The following CTNNA3 variants were observed in gnomAD, a reference collection of about 807,000 sequenced individuals.
The protein encoded by CTNNA3 is catenin alpha-3.
Under a neutral mutation model 95.7 loss-of-function variants are expected in CTNNA3, and 76 were observed. The ratio of observed to expected loss-of-function variants is 0.79; its 90% CI spans 0.66 to 0.96. The LOEUF (loss-of-function observed/expected upper bound fraction) is 0.96, where lower values mean the gene tolerates loss of function less well. Ranked by LOEUF, CTNNA3 falls within the 40% of genes least tolerant of loss-of-function variation. The pLI is 0.00. For synonymous variants in CTNNA3, 431 were observed against 374.4 expected (o/e 1.15, Z -1.74); for missense variants, 1,191 against 1,089.8 (o/e 1.09, Z -1.31).
At chr10:67,166,360 C>G (rs1861769083) in intron 7 of CTNNA3, among the ~76,000 whole-genome samples, 1 of 152,078 alleles carries the variant, frequency 6.6e-6, no homozygotes, top group Non-Finnish European at 1.5e-5. Flanking sequence ...ACCTAGCTTT[C>G]TTGGTTTTTT....
At chr10:67,556,144 G>A (rs1462802231) in intron 3 of CTNNA3, among the ~76,000 whole-genome samples, 1 of 152,196 alleles carries the variant, frequency 6.6e-6, no homozygotes, top group African/African-American at 2.4e-5. Flanking sequence ...TGTGCTGCTG[G>A]ATTCGGTTTG....
intron 1 of CTNNA3, among the ~76,000 whole-genome samples, chr10:67,742,326 T>G (rs1461917642): frequency 6.6e-6 from 1 of 151,052 alleles, no homozygotes; most frequent in East Asian, 1.9e-4. Context: ...GCAATCAAAC[T>G]AGAACTCAGG....
intron 12 of CTNNA3, among the ~76,000 whole-genome samples, chr10:66,373,231 T>C (rs528605486): frequency 6.0e-4 from 92 of 152,292 alleles, no homozygotes; most frequent in African/African-American, 2.0e-3. Context: ...TCTGACAAGT[T>C]TGTATGTTCA....
chr10:66,545,652 A>G (rs1381548003), intron 10 of CTNNA3, among the ~76,000 whole-genome samples: 1 of 152,082 alleles, frequency 6.6e-6, no homozygotes, highest in Non-Finnish European at 1.5e-5. Flanking sequence ...TCTCCCAGCA[A>G]CATATGAGTA....
chr10:67,690,575 G>GC (rs1840825055), intron 1 of CTNNA3, among the ~76,000 whole-genome samples: 1 of 152,098 alleles, frequency 6.6e-6, no homozygotes, highest in Non-Finnish European at 1.5e-5. Context: ...GCTGATTGGT[G>GC]CATTTTTGCA....
At chr10:67,198,704 C>T (rs1218540849) in intron 6 of CTNNA3, among the ~76,000 whole-genome samples, 2 of 152,128 alleles carry the variant, frequency 1.3e-5, no homozygotes, top group Admixed American at 6.5e-5. Flanking sequence ...CAGTCCCTGG[C>T]TTAATATCCT....
intron 5 of CTNNA3, among the ~76,000 whole-genome samples, chr10:67,514,334 T>A (rs1408914137): frequency 6.6e-6 from 1 of 152,078 alleles, no homozygotes; most frequent in Non-Finnish European, 1.5e-5. Context: ...ACAGTTAGGT[T>A]AGATGAATTC....
At chr10:66,573,375 G>A (rs926184433) in intron 10 of CTNNA3, among the ~76,000 whole-genome samples, 7 of 152,146 alleles carry the variant, frequency 4.6e-5, no homozygotes, top group Non-Finnish European at 7.3e-5. Flanking sequence ...AGGGTTGCTC[G>A]CAGCCCATAG....
intron 7 of CTNNA3, among the ~76,000 whole-genome samples, chr10:67,080,707 A>G (rs1223414647): frequency 6.6e-6 from 1 of 152,084 alleles, no homozygotes; most frequent in Non-Finnish European, 1.5e-5. Flanking sequence ...CAGGAGATCG[A>G]GACCATCCTG....
intron 9 of CTNNA3, among the ~76,000 whole-genome samples, chr10:66,701,586 A>C (rs529480797): frequency 6.6e-6 from 1 of 152,312 alleles, no homozygotes; most frequent in African/African-American, 2.4e-5. Context: ...TTTTATAGAC[A>C]TATTTCATAT....
chr10:66,814,404 A>C (rs1842000635), intron 7 of CTNNA3, among the ~76,000 whole-genome samples: 1 of 152,196 alleles, frequency 6.6e-6, no homozygotes, highest in South Asian at 2.1e-4. Context: ...CAAGCCTATG[A>C]TGAAGAATTT....
At chr10:66,235,461 AAATT>A (rs2089803312) in intron 13 of CTNNA3, among the ~76,000 whole-genome samples, 2 of 151,560 alleles carry the variant, frequency 1.3e-5, no homozygotes, top group Admixed American at 1.3e-4. Flanking sequence ...TATATAAAAT[AAATT>A]GACATATAAA....
intron 7 of CTNNA3, among the ~76,000 whole-genome samples, chr10:67,156,888 A>T (rs968162086): frequency 1.5e-4 from 15 of 101,672 alleles, no homozygotes; most frequent in African/African-American, 7.1e-4. Context: ...TAGGATAGTA[A>T]AATATCCTAC....
intron 1 of CTNNA3, among the ~76,000 whole-genome samples, chr10:67,709,441 C>A (rs1041286780): frequency 6.6e-6 from 1 of 152,112 alleles, no homozygotes; most frequent in East Asian, 1.9e-4. Flanking sequence ...GACAGTTCCA[C>A]GCACTGTAAA....
intron 2 of CTNNA3, among the ~76,000 whole-genome samples, chr10:67,636,521 C>A (rs1839317290): frequency 6.6e-6 from 1 of 152,126 alleles, no homozygotes. Flanking sequence ...GACCACAAAC[C>A]TACAACCATC....
rs113262576 is a variant in CTNNA3 at position 67,645,193 on chromosome 10, G to GCACACACA, written c.99+2214_99+2221dup. On this transcript the variant is annotated intron_variant, in intron 2 of 17. Coordinates refer to ENST00000433211, the MANE Select transcript of CTNNA3 (RefSeq NM_013266.4). ...CATGCCATAAAATGTGCACGTGCGC[G>GCACACACA]CACACACACACACACACACACTGTG... Among the ~76,000 whole-genome samples, 769 of 149,182 alleles carry GCACACACA rather than the reference G, an allele frequency of 5.2e-3. 6 individuals carry two copies. Among genetic ancestry groups the GCACACACA allele is most frequent in the African/African-American group, 0.017 (693 of 41,058 alleles).
At chr10:66,061,200 AG>A (rs1314593757) in intron 15 of CTNNA3, among the ~76,000 whole-genome samples, 1 of 152,130 alleles carries the variant, frequency 6.6e-6, no homozygotes, top group East Asian at 1.9e-4. Flanking sequence ...GGCTATCACA[AG>A]GGGAACAGAG....
At chr10:67,644,930 A>G (rs1236893707) in intron 2 of CTNNA3, among the ~76,000 whole-genome samples, 5 of 152,176 alleles carry the variant, frequency 3.3e-5, no homozygotes, top group Non-Finnish European at 7.4e-5. Flanking sequence ...ATTTACATGT[A>G]ACAGAACTGT....
chr10:66,233,344 T>G (rs761138668), intron 13 of CTNNA3, among the ~76,000 whole-genome samples: 2 of 152,008 alleles, frequency 1.3e-5, no homozygotes, highest in Non-Finnish European at 2.9e-5. Context: ...ACTAGTTTTA[T>G]TAAAATAAAA....
Sources: gnomAD v4.1 joint callset for allele counts (sites outside exome capture counted in the v4.1 genomes callset) on GRCh38, gnomAD v4.1.1 for gene constraint, MANE v1.5 for transcripts, NCBI Gene and HGNC (gene_info 2026-07-23, HGNC 2026-07-21) for gene names.